Variants in GRID2 observed in about 807,000 individuals in gnomAD.
GRID2 encodes the protein glutamate ionotropic receptor delta type subunit 2.
GRID2 carries 33 observed loss-of-function variants against 114.8 expected under a neutral mutation model. The ratio of observed to expected loss-of-function variants is 0.29; its 90% CI spans 0.22 to 0.38. GRID2 has a LOEUF of 0.38. Among genes scored for constraint, GRID2 ranks in the 10% least tolerant of loss-of-function variants. GRID2 has a pLI of 1.00. For synonymous variants in GRID2, 505 were observed against 449.9 expected, an observed-to-expected ratio of 1.12 and a Z score of -1.55; for missense variants, 1,184 against 1,257.7, an observed-to-expected ratio of 0.94 and a Z score of 0.89.
At position 92,328,426 on chromosome 4, in the gene GRID2, C is replaced by T. The variant is rs565618510; in HGVS notation, c.88+23682C>T. 5.3e-5 allele frequency among the ~76,000 whole-genome samples: 8 copies of T among 152,068 alleles called. No homozygotes were observed. The South Asian group carries it at 1.2e-3, about 24-fold the overall frequency. On this transcript the variant is annotated intron_variant, in intron 1 of 15. Coordinates refer to ENST00000282020, the MANE Select transcript of GRID2 (RefSeq NM_001510.4). ...AAGTAATCACAGCATAACGGACTTG[C>T]GTTCATTAGGAAAATGATGACAACT...
intron 13 of GRID2, among the ~76,000 whole-genome samples, chr4:93,559,856 A>G (rs961685699): frequency 6.6e-6 from 1 of 152,208 alleles, no homozygotes; most frequent in Non-Finnish European, 1.5e-5. Flanking sequence ...TAGACTAGAT[A>G]AAGAAAATGT....
chr4:92,863,243 A>G (rs897803262), intron 2 of GRID2, among the ~76,000 whole-genome samples: 2 of 152,116 alleles, frequency 1.3e-5, no homozygotes, highest in African/African-American at 4.8e-5. Flanking sequence ...TCGTTTGTCC[A>G]TAGTGAGTTA....
chr4:93,649,596 G>A (rs1722409867), intron 14 of GRID2, among the ~76,000 whole-genome samples: 1 of 152,052 alleles, frequency 6.6e-6, no homozygotes, highest in Non-Finnish European at 1.5e-5. Context: ...AAAGTCTATA[G>A]GTCTCTTGAT....
chr4:93,264,698 G>T (rs1750605624), intron 8 of GRID2, among the ~76,000 whole-genome samples: 1 of 85,498 alleles, frequency 1.2e-5, no homozygotes, highest in Admixed American at 1.5e-4. Context: ...AGTTATGTTT[G>T]AGTTTTGAAT....
At chr4:93,805,250 T>A (rs1227562138) in intron 1 of GRID2, among the ~76,000 whole-genome samples, 1 of 152,256 alleles carries the variant, frequency 6.6e-6, no homozygotes, top group Non-Finnish European at 1.5e-5. Flanking sequence ...AGGGACGTAT[T>A]GATTTAAACA....
chr4:93,366,763 C>T (rs1047645742), intron 8 of GRID2, among the ~76,000 whole-genome samples: 5 of 151,992 alleles, frequency 3.3e-5, no homozygotes, highest in Non-Finnish European at 5.9e-5. Context: ...CTCTTTTGTA[C>T]TCTGTCCCTT....
At chr4:93,307,878 TA>T (rs34418900) in intron 8 of GRID2, among the ~76,000 whole-genome samples, 115,484 of 151,940 alleles carry the variant, frequency 0.76, 44,438 homozygotes, top group Middle Eastern at 0.87. Flanking sequence ...GCTGCATTTT[TA>T]ATTTTTTCGA....
intron 13 of GRID2, among the ~76,000 whole-genome samples, chr4:93,597,931 T>C (rs1187510745): frequency 6.6e-6 from 1 of 152,224 alleles, no homozygotes; most frequent in African/African-American, 2.4e-5. Context: ...CTGGATCAAA[T>C]ATAAACTGTT....
At chr4:92,680,939 T>C (rs995793354) in intron 2 of GRID2, among the ~76,000 whole-genome samples, 1 of 152,172 alleles carries the variant, frequency 6.6e-6, no homozygotes, top group Non-Finnish European at 1.5e-5. Context: ...GGTCAAGAGT[T>C]ACTGATTTTG....
chr4:93,810,434 G>T (rs952065309), downstream of GRID2, among the ~76,000 whole-genome samples: 1 of 151,938 alleles, frequency 6.6e-6, no homozygotes, highest in Admixed American at 6.6e-5. Flanking sequence ...ATTAAAGTTG[G>T]TAATAAAAAC....
At chr4:93,007,784 T>TA (rs1721706337) in intron 2 of GRID2, among the ~76,000 whole-genome samples, 1 of 152,058 alleles carries the variant, frequency 6.6e-6, no homozygotes, top group African/African-American at 2.4e-5. Flanking sequence ...CTCATGCCTG[T>TA]AATCCCAGCA....
intron 2 of GRID2, among the ~76,000 whole-genome samples, chr4:93,004,504 C>A (rs936598401): frequency 6.6e-6 from 1 of 152,010 alleles, no homozygotes; most frequent in African/African-American, 2.4e-5. Context: ...GCAATTATCC[C>A]CCTACAAGTG....
At chr4:93,324,677 T>C (rs1338152899) in intron 8 of GRID2, among the ~76,000 whole-genome samples, 1 of 152,134 alleles carries the variant, frequency 6.6e-6, no homozygotes, top group Non-Finnish European at 1.5e-5. Flanking sequence ...GGACTTTTTT[T>C]GGTTGGTAGG....
intron 2 of GRID2, among the ~76,000 whole-genome samples, chr4:92,984,955 T>G (rs1394918790): frequency 6.6e-6 from 1 of 152,094 alleles, no homozygotes; most frequent in Non-Finnish European, 1.5e-5. Context: ...TTAACAAGTC[T>G]TATTACTGAT....
chr4:93,126,105 A>G lies in GRID2; in HGVS notation c.735+15152A>G, dbSNP rs181243859. ...TCTGTTTTTAGTCTTCTTAGTGAAT[A>G]AAAATAATGTCAATTTTAAATGTTT... is the stretch of plus-strand genomic sequence containing the variant. On this transcript the variant is annotated intron_variant, in intron 4 of 15. Coordinates refer to ENST00000282020, the MANE Select transcript of GRID2 (RefSeq NM_001510.4). Among the ~76,000 whole-genome samples, 128 of 152,330 alleles carry G rather than the reference A, an allele frequency of 8.4e-4. 1 individual carries two copies. The highest frequency in any genetic ancestry group is 3.1e-3 in the African/African-American group (127 of 41,586).
At chr4:92,478,923 C>T (rs1722448588) in intron 1 of GRID2, among the ~76,000 whole-genome samples, 1 of 152,116 alleles carries the variant, frequency 6.6e-6, no homozygotes, top group African/African-American at 2.4e-5. Context: ...TGCTACTCTT[C>T]AAGGCCCAGT....
chr4:92,827,219 CATTTAT>C (rs1020399748), intron 2 of GRID2, among the ~76,000 whole-genome samples: 6 of 151,688 alleles, frequency 4.0e-5, no homozygotes, highest in Non-Finnish European at 8.8e-5. Flanking sequence ...TATTTAAAAC[CATTTAT>C]ATTTATCCAA....
rs570290963 is a variant in GRID2, at chr4:93,548,609, TAATC to T, written c.2193+33201_2193+33204del. 8.0e-3 allele frequency among the ~76,000 whole-genome samples: 1,214 copies of T among 152,270 alleles called. 3 individuals are homozygous for T. Among genetic ancestry groups the T allele is most frequent in the Non-Finnish European group, 0.014 (927 of 68,012 alleles). On this transcript the variant is annotated intron_variant, in intron 13 of 15. Coordinates refer to ENST00000282020, the MANE Select transcript of GRID2 (RefSeq NM_001510.4). ...GGTAAGACAGTCATAGTATATAAAATAATCAAAGCCATAATCAGAAGAGTCTGTA... is the reference window on the plus strand; with the variant it reads ...GGTAAGACAGTCATAGTATATAAAATAAAGCCATAATCAGAAGAGTCTGTA...
chr4:92,815,604 C>T (rs1740853771), intron 2 of GRID2, among the ~76,000 whole-genome samples: 1 of 151,898 alleles, frequency 6.6e-6, no homozygotes, highest in African/African-American at 2.4e-5. Flanking sequence ...ATGTTATAAT[C>T]TTATTATACT....
Sources: gnomAD v4.1 joint callset for allele counts (sites outside exome capture counted in the v4.1 genomes callset) on GRCh38, gnomAD v4.1.1 for gene constraint, MANE v1.5 for transcripts, NCBI Gene and HGNC (gene_info 2026-07-23, HGNC 2026-07-21) for gene names.